Variants in ODAD1 observed in about 807,000 individuals in gnomAD.
ODAD1 encodes outer dynein arm-docking complex subunit 1.
In ODAD1, 49 loss-of-function variants were observed where a neutral mutation model predicts 67.2. The ratio of observed to expected loss-of-function variants is 0.73; its 90% CI spans 0.58 to 0.92. The LOEUF (loss-of-function observed/expected upper bound fraction) is 0.92, where lower values mean the gene tolerates loss of function less well. Ranked by LOEUF, ODAD1 falls within the 40% of genes least tolerant of loss-of-function variation. The pLI, the probability that ODAD1 is intolerant of heterozygous loss-of-function variation, is 0.00. For missense variants in ODAD1, 897 were observed against 953.7 expected (o/e 0.94, Z 0.78); for synonymous variants, 345 against 393.7 (o/e 0.88, Z 1.46).
At chr19:48,297,939 T>C in intron 14 of ODAD1, 61 bp downstream of exon 14, 2 of 1,341,684 alleles carry the variant, frequency 1.5e-6, no homozygotes, top group Non-Finnish European at 2.1e-6. Context: ...CTATCCTGTG[T>C]GTTCCCTCTG....
rs750861527 is a variant in ODAD1, at chr19:48,297,194, C to T, written c.1906G>A (p.Val636Met). 31 of 1,614,102 alleles carry T rather than the reference C, an allele frequency of 1.9e-5. No homozygotes were observed. In the Middle Eastern group the frequency reaches 4.0e-3, roughly 206 times the overall value. The change falls in exon 16 of 16, where the codon GTG becomes ATG. Residue 636 changes from valine (V) to methionine (M), a missense_variant. Physicochemically the swap from Val to Met is conservative, Grantham distance 21 (BLOSUM62 1). Coordinates refer to ENST00000674294, the MANE Select transcript of ODAD1 (RefSeq NM_001364171.2). ...GSTSASSGGH[V>M]TFRPVSASSY... is the part of the protein sequence containing the mutation. ...CTGGCGCTGACGGGTCTGAAGGTCA[C>T]GTGGCCCCCACTCGAGGCACTGGTG...
chr19:48,318,684 C>G, intron 4 of ODAD1, 29 bp downstream of exon 4: 1 of 1,539,132 alleles, frequency 6.5e-7, no homozygotes, highest in Non-Finnish European at 8.8e-7. Flanking sequence ...CCCCTCCTCC[C>G]CAGCTCAGGG....
chr19:48,306,070 C>T, intron 8 of ODAD1, 186 bp downstream of exon 8: 1 of 440,190 alleles, frequency 2.3e-6, no homozygotes, highest in African/African-American at 2.1e-5. Context: ...AAAAAAAAGA[C>T]AGAACAGGAC....
At chr19:48,302,492 G>A (rs1968491897) in intron 12 of ODAD1, among the ~76,000 whole-genome samples, 1 of 151,982 alleles carries the variant, frequency 6.6e-6, no homozygotes, top group Non-Finnish European at 1.5e-5. Context: ...GTGTAGGACA[G>A]TTGGAGGGAC....
Position 48,296,805 on chromosome 19 carries a change from A to G in ODAD1, c.*171T>C. 1 of 1,423,554 alleles carries G rather than the reference A, an allele frequency of 7.0e-7. No homozygotes were observed. Among genetic ancestry groups the G allele is most frequent in the Non-Finnish European group, 9.1e-7 (1 of 1,095,458 alleles). The allele number at this position is 1,423,554 out of a possible 1,614,324, so 88.2% of individuals were successfully genotyped here. ...AGCAGAGAGAAAGGAACCGGGAGAC[A>G]CAGGTGAGGCGGTGATGAAGGGCAG... On this transcript the variant is annotated 3_prime_UTR_variant, in exon 16 of 16. Coordinates refer to ENST00000674294, the MANE Select transcript of ODAD1 (RefSeq NM_001364171.2).
chr19:48,307,313 AGGCGCAGTGG>A (rs1261853901), intron 7 of ODAD1, among the ~76,000 whole-genome samples: 2 of 152,242 alleles, frequency 1.3e-5, no homozygotes, highest in African/African-American at 4.8e-5. Context: ...TATGTCAGCC[AGGCGCAGTGG>A]CTCATGCCTG....
At position 48,312,051 on chromosome 19, in the gene ODAD1, C is replaced by T. The variant is rs755623313; in HGVS notation, c.426G>A (p.Leu142=). 11 of 1,550,314 alleles carry T rather than the reference C, an allele frequency of 7.1e-6. No individual in the cohort carries two copies. In the South Asian group the frequency reaches 1.3e-4, roughly 18 times the overall value. ...TTCGCCTGATCTTGACCTTCTGATC[C>T]AGGATGAATCCCGGGGACCTGACAT... The part of the protein sequence containing the change: ...SKNVRSPGFI[L]DQKVKIRRRI... Residue 142 remains leucine, a synonymous_variant, in exon 6 of 16, where the codon CTG becomes CTA. Transcript: ENST00000674294.
chr19:48,308,064 T>C (rs925705862), intron 7 of ODAD1, among the ~76,000 whole-genome samples: 3 of 152,136 alleles, frequency 2.0e-5, no homozygotes, highest in African/African-American at 7.2e-5. Context: ...TGGGGCAATT[T>C]GAATATTAAA....
chr19:48,311,758 G>A, intron 6 of ODAD1, 92 bp from the exon 7 acceptor site: 1 of 884,992 alleles, frequency 1.1e-6, no homozygotes, highest in Non-Finnish European at 1.8e-6. Flanking sequence ...CTTATCAGAG[G>A]TTGGGCCGGC....
intron 5 of ODAD1, among the ~76,000 whole-genome samples, chr19:48,317,138 C>G (rs1338665275): frequency 4.0e-5 from 6 of 151,864 alleles, no homozygotes; most frequent in African/African-American, 1.5e-4. Context: ...ACCACTGTGC[C>G]CAACTGACAA....
At chr19:48,321,576 A>C in intron 1 of ODAD1, 102 bp downstream of exon 1, 1 of 354,104 alleles carries the variant, frequency 2.8e-6, no homozygotes, top group Non-Finnish European at 5.1e-6. Flanking sequence ...GCCCGGTGGA[A>C]GGGCGGTGAA....
chr19:48,298,251 T>C lies in ODAD1; in HGVS notation c.1330A>G (p.Met444Val). Residue 444 changes from methionine to valine, a missense_variant, in exon 13 of 16, where the codon ATG (methionine) becomes GTG (valine). Met to Val is a conservative substitution (Grantham distance 21). Transcript: ENST00000674294. ...TCAATGAGGCTCAGGAAGAGGCCCA[T>C]GTCCCGGTCTCCCATGCTGGTCTTG... is the stretch of plus-strand genomic sequence containing the variant. Reference protein sequence around the residue: ...GVKTSMGDRDMGLFLSLIEKR... With the variant: ...GVKTSMGDRDVGLFLSLIEKR... The C allele has an allele frequency of 2.5e-6, 4 of 1,614,128 alleles. No homozygotes were observed. Among genetic ancestry groups the C allele is most frequent in the Non-Finnish European group, 3.4e-6 (4 of 1,180,024 alleles).
intron 8 of ODAD1, among the ~76,000 whole-genome samples, chr19:48,305,873 A>G (rs1968594520): frequency 6.6e-6 from 1 of 151,984 alleles, no homozygotes; most frequent in South Asian, 2.1e-4. Flanking sequence ...AGCCTGGTCA[A>G]GATGGTGAAA....
intron 3 of ODAD1, chr19:48,319,395 C>G (rs1445359460): frequency 1.0e-6 from 1 of 983,908 alleles, no homozygotes; most frequent in African/African-American, 1.7e-5. Flanking sequence ...AGCACCTCAG[C>G]CTGGGATCCC....
chr19:48,313,448 C>CAA (rs1291428185), intron 5 of ODAD1, among the ~76,000 whole-genome samples: 1 of 86,940 alleles, frequency 1.2e-5, no homozygotes, highest in African/African-American at 5.1e-5. Context: ...AAAAAAAAAC[C>CAA]AAAAAAAAAC....
chr19:48,297,628 TGGGGTA>T lies in ODAD1; in HGVS notation c.1537_1542del (p.Tyr513_Pro514del). On this transcript the variant is annotated inframe_deletion, in exon 15 of 16. Transcript: ENST00000674294. The stretch of plus-strand genomic sequence containing the variant: ...TGGCTCAGCAGCTCCTCCCTGCTCA[TGGGGTA>T]GTCATCGCTGGCCTCAAAACCCGGG... 2.6e-6 allele frequency: 4 copies of T among 1,528,376 alleles called. No individual in the cohort carries two copies. The East Asian group carries it at 9.1e-5, about 35-fold the overall frequency. 94.7% of individuals were successfully genotyped at this position (1,528,376 alleles called of 1,614,324 possible). A position where few individuals can be genotyped will look rare whatever the true frequency, so the allele number is the denominator to read the frequency against.
At chr19:48,297,934 C>T (rs1308921367) in intron 14 of ODAD1, 66 bp downstream of exon 14, 9 of 1,310,126 alleles carry the variant, frequency 6.9e-6, no homozygotes, top group Non-Finnish European at 9.6e-6. Context: ...ACTCTCTATC[C>T]TGTGTGTTCC....
rs1968288891 is a variant in ODAD1, at chr19:48,296,663, A to C, written c.*313T>G. On this transcript the variant is annotated 3_prime_UTR_variant, in exon 16 of 16. Transcript: ENST00000674294. ...CGGAAACAGGAGGTGGGGGATCCAC[A>C]GGGGGCCAGGGCTCAGCAGACAGGG... is the stretch of plus-strand genomic sequence containing the variant. 1 of 745,722 alleles carries C rather than the reference A, an allele frequency of 1.3e-6. No individual in the cohort carries two copies. Among genetic ancestry groups the C allele is most frequent in the South Asian group, 4.2e-5 (1 of 24,088 alleles). The allele number at this position is 745,722 out of a possible 1,614,324, so 46.2% of individuals were successfully genotyped here. A position where few individuals can be genotyped will look rare whatever the true frequency, so the allele number is the denominator to read the frequency against.
chr19:48,302,320 C>T (rs575400492), intron 12 of ODAD1, among the ~76,000 whole-genome samples: 1 of 147,032 alleles, frequency 6.8e-6, no homozygotes, highest in Non-Finnish European at 1.5e-5. Context: ...AAGGGATAGA[C>T]TCTGAATGGA....
Sources: allele counts gnomAD v4.1 joint callset (sites outside exome capture counted in the v4.1 genomes callset), GRCh38; gene constraint gnomAD v4.1.1; transcripts MANE v1.5; gene names NCBI Gene and HGNC (gene_info 2026-07-23, HGNC 2026-07-21).